ROBO2: variants seen among roughly 807,000 people sequenced by gnomAD.
ROBO2 encodes the protein roundabout guidance receptor 2, also known as roundabout homolog 2.
ROBO2 carries 53 observed loss-of-function variants against 160.8 expected under a neutral mutation model. The observed-to-expected ratio is 0.33, with a 90% confidence interval of 0.26 to 0.41. The LOEUF (loss-of-function observed/expected upper bound fraction) is 0.41. ROBO2 is among the 10% of genes least tolerant of loss of function. ROBO2 has a pLI of 1.00. For missense variants in ROBO2, 1,577 were observed against 1,722.4 expected (o/e 0.92, Z 1.49); for synonymous variants, 664 against 611.7 (o/e 1.09, Z -1.26).
chr3:76,023,110 A>G (rs1263582020), intron 2 of ROBO2, among the ~76,000 whole-genome samples: 1 of 151,500 alleles, frequency 6.6e-6, no homozygotes, highest in African/African-American at 2.4e-5. Flanking sequence ...TTTCTTCTTC[A>G]TCTCTCTCAG....
intron 1 of ROBO2, among the ~76,000 whole-genome samples, chr3:77,094,963 A>T (rs1482319603): frequency 6.6e-6 from 1 of 152,238 alleles, no homozygotes; most frequent in East Asian, 1.9e-4. Context: ...TGATTTGCAG[A>T]TTATTTTTCT....
In ROBO2 at chr3:76,384,801, C is replaced by G. The variant is rs528274443; in HGVS notation, c.109+447199C>G. ...GAGAACAGCATGGGGGTACCTGCCT[C>G]CATGATTCAATGACCTCCAACCTGA... is the stretch of plus-strand genomic sequence containing the variant. On this transcript the variant is annotated intron_variant, in intron 2 of 26. Transcript: ENST00000487694. Among the ~76,000 whole-genome samples, 4 of 152,232 alleles carry G rather than the reference C, an allele frequency of 2.6e-5. No individual in the cohort carries two copies. The East Asian group carries it at 7.7e-4, about 29-fold the overall frequency.
chr3:76,036,483 A>C (rs2067112982), intron 2 of ROBO2, among the ~76,000 whole-genome samples: 1 of 148,996 alleles, frequency 6.7e-6, no homozygotes, highest in Non-Finnish European at 1.5e-5. Context: ...TTTTTAACCA[A>C]ATGATTTGGG....
chr3:76,084,250 C>A (rs1443206482), intron 2 of ROBO2, among the ~76,000 whole-genome samples: 1 of 152,220 alleles, frequency 6.6e-6, no homozygotes, highest in African/African-American at 2.4e-5. Flanking sequence ...CTTCATATGA[C>A]TCATGTAGAC....
intron 2 of ROBO2, among the ~76,000 whole-genome samples, chr3:77,155,825 T>C (rs1295916803): frequency 1.3e-5 from 2 of 152,012 alleles, no homozygotes; most frequent in Non-Finnish European, 2.9e-5. Flanking sequence ...ATTCCCCCTT[T>C]CCTCTTTAAA....
chr3:77,607,371 T>C (rs1275646098), intron 20 of ROBO2, among the ~76,000 whole-genome samples: 1 of 152,214 alleles, frequency 6.6e-6, no homozygotes, highest in East Asian at 1.9e-4. Context: ...TTGAATAAAT[T>C]CTAATGGAAA....
At chr3:76,388,966 C>T (rs947686295) in intron 2 of ROBO2, among the ~76,000 whole-genome samples, 32 of 152,004 alleles carry the variant, frequency 2.1e-4, no homozygotes, top group African/African-American at 7.0e-4. Flanking sequence ...AATAACAGTA[C>T]AGTTTAAGAA....
intron 2 of ROBO2, among the ~76,000 whole-genome samples, chr3:76,018,533 A>G (rs1460528699): frequency 2.0e-5 from 3 of 151,628 alleles, no homozygotes; most frequent in African/African-American, 7.3e-5. Flanking sequence ...TGTTGAATTT[A>G]TCTGTTTTCA....
chr3:76,643,228 A>G (rs1235187905), intron 2 of ROBO2, among the ~76,000 whole-genome samples: 2 of 152,192 alleles, frequency 1.3e-5, no homozygotes, highest in Non-Finnish European at 2.9e-5. Context: ...TGTTCAATGT[A>G]TGTAATTATA....
At chr3:76,842,594 G>C (rs1010696356) in intron 2 of ROBO2, among the ~76,000 whole-genome samples, 22 of 152,274 alleles carry the variant, frequency 1.4e-4, no homozygotes, top group African/African-American at 5.3e-4. Context: ...GATTTAATGA[G>C]ATTAGTTATT....
At chr3:77,419,955 T>G (rs2077567202) in intron 2 of ROBO2, among the ~76,000 whole-genome samples, 1 of 152,276 alleles carries the variant, frequency 6.6e-6, no homozygotes, top group East Asian at 1.9e-4. Context: ...ACACCATGCC[T>G]TCTGAATCGA....
At chr3:77,236,455 C>G (rs2087995540) in intron 2 of ROBO2, among the ~76,000 whole-genome samples, 1 of 152,202 alleles carries the variant, frequency 6.6e-6, no homozygotes, top group Admixed American at 6.5e-5. Context: ...ATGTCCAACT[C>G]TCGCTTCCCA....
intron 2 of ROBO2, among the ~76,000 whole-genome samples, chr3:76,694,543 T>C (rs1289862107): frequency 6.6e-6 from 1 of 152,166 alleles, no homozygotes; most frequent in Non-Finnish European, 1.5e-5. Context: ...TATTTTCATG[T>C]AGACACTTTA....
At chr3:77,578,944 A>G (rs1206257914) in intron 15 of ROBO2, among the ~76,000 whole-genome samples, 1 of 152,004 alleles carries the variant, frequency 6.6e-6, no homozygotes, top group Non-Finnish European at 1.5e-5. Context: ...CACTTGCCAT[A>G]TTTTGGTTTC....
At chr3:76,834,613 C>T (rs1399721763) in intron 2 of ROBO2, among the ~76,000 whole-genome samples, 2 of 152,126 alleles carry the variant, frequency 1.3e-5, no homozygotes, top group Non-Finnish European at 1.5e-5. Flanking sequence ...CTCAAGTGAT[C>T]TGCCCACCTC....
chr3:76,388,076 T>C (rs2076976229), intron 2 of ROBO2, among the ~76,000 whole-genome samples: 2 of 152,174 alleles, frequency 1.3e-5, no homozygotes, highest in Admixed American at 6.5e-5. Context: ...GAGAACTCTT[T>C]TTTGTTCCAT....
intron 2 of ROBO2, among the ~76,000 whole-genome samples, chr3:76,949,340 C>G (rs2078814627): frequency 6.6e-6 from 1 of 152,056 alleles, no homozygotes; most frequent in South Asian, 2.1e-4. Context: ...TGCATCCAGT[C>G]CCCAACCCAT....
At chr3:76,401,239 A>G (rs1388640686) in intron 2 of ROBO2, among the ~76,000 whole-genome samples, 5 of 151,510 alleles carry the variant, frequency 3.3e-5, no homozygotes, top group African/African-American at 1.2e-4. Flanking sequence ...AAATTTTTTG[A>G]AACACCAAGA....
intron 2 of ROBO2, among the ~76,000 whole-genome samples, chr3:76,791,592 T>G (rs2063358141): frequency 6.7e-6 from 1 of 148,930 alleles, no homozygotes; most frequent in African/African-American, 2.5e-5. Flanking sequence ...GCCACAGGAG[T>G]GCTCTAATCA....
Sources: gnomAD v4.1 joint callset for allele counts (sites outside exome capture counted in the v4.1 genomes callset) on GRCh38, gnomAD v4.1.1 for gene constraint, MANE v1.5 for transcripts, NCBI Gene and HGNC (gene_info 2026-07-23, HGNC 2026-07-21) for gene names.